The following PCDHA5 variants were observed in gnomAD, a reference collection of about 807,000 sequenced individuals.
PCDHA5 encodes protocadherin alpha-5.
Under a neutral mutation model 61.6 loss-of-function variants are expected in PCDHA5, and 43 were observed. That is an observed-to-expected ratio of 0.70 (90% CI 0.55 to 0.90). The LOEUF is 0.90. Ranked by LOEUF, PCDHA5 falls within the 40% of genes least tolerant of loss-of-function variation. PCDHA5 has a pLI of 0.00. For missense variants in PCDHA5, 1,298 were observed against 1,222.7 expected (o/e 1.06, Z -0.92); for synonymous variants, 627 against 543.9 (o/e 1.15, Z -2.13).
chr5:140,991,019 T>G (rs1333119856), intron 3 of PCDHA5, among the ~76,000 whole-genome samples: 1 of 152,178 alleles, frequency 6.6e-6, no homozygotes, highest in Non-Finnish European at 1.5e-5. Flanking sequence ...GATAAGCACT[T>G]TACATATGTT....
chr5:141,010,321 G>A lies in PCDHA5; in HGVS notation c.*384G>A. The A allele has an allele frequency of 1.3e-6, 2 of 1,541,244 alleles. No individual in the cohort carries two copies. Among genetic ancestry groups the A allele is most frequent in the South Asian group, 1.2e-5 (1 of 82,726 alleles). On this transcript the variant is annotated 3_prime_UTR_variant, in exon 4 of 4. Transcript: ENST00000529859. ...GGCTGAAAAGTTTTGAGATTGAGCA[G>A]CTTGGGAGTTTGTGGCCACTGGGTA...
chr5:140,937,130 C>T (rs899242411), intron 1 of PCDHA5, among the ~76,000 whole-genome samples: 12 of 151,674 alleles, frequency 7.9e-5, no homozygotes, highest in Non-Finnish European at 1.3e-4. Flanking sequence ...CTCCGCCTCC[C>T]GGGTTCATGC....
chr5:140,978,978 C>T lies in PCDHA5; in HGVS notation c.2382C>T (p.Tyr794=). Residue 794 remains tyrosine (Y), a synonymous_variant, in exon 2 of 4, where the codon TAC becomes TAT. Coordinates refer to ENST00000529859, the MANE Select transcript of PCDHA5 (RefSeq NM_018908.3). ...NPRQPNPDWR[Y]SASLRAGMHS... ...GACAGCCCAACCCTGACTGGCGTTA[C>T]TCTGCCTCCCTGAGAGCAGGCATGC... 1 of 1,614,204 alleles carries T rather than the reference C, an allele frequency of 6.2e-7. No homozygotes were observed. The highest frequency in any genetic ancestry group is 8.5e-7 in the Non-Finnish European group (1 of 1,180,030).
intron 1 of PCDHA5, among the ~76,000 whole-genome samples, chr5:140,969,910 A>G (rs1364534841): frequency 9.9e-5 from 15 of 152,216 alleles, no homozygotes; most frequent in African/African-American, 3.6e-4. Context: ...GTCACAAGTG[A>G]TAAAGCTGTA....
chr5:141,000,887 AAC>A (rs1554257872), intron 3 of PCDHA5, among the ~76,000 whole-genome samples: 4 of 152,188 alleles, frequency 2.6e-5, no homozygotes. Context: ...CAACCTGGGC[AAC>A]AGATATAGAC....
intron 3 of PCDHA5, among the ~76,000 whole-genome samples, chr5:141,002,433 A>G (rs2098079655): frequency 6.6e-6 from 1 of 152,258 alleles, no homozygotes; most frequent in East Asian, 1.9e-4. Context: ...ACAGGCAATA[A>G]CCATAATAAT....
At chr5:140,954,807 T>TGAAAATGCTTTAGGCACTTTTGTC (rs2095090008) in intron 1 of PCDHA5, among the ~76,000 whole-genome samples, 1 of 152,248 alleles carries the variant, frequency 6.6e-6, no homozygotes, top group Admixed American at 6.5e-5. Flanking sequence ...TTGCTTTTGT[T>TGAAAATGCTTTAGGCACTTTTGTC]GAAATTGCTT....
In PCDHA5 at chr5:140,884,801, A is replaced by AT. The variant is rs2060359948; in HGVS notation, c.2352+60674_2352+60675insT. 5 of 1,250,206 alleles carry AT rather than the reference A, an allele frequency of 4.0e-6. No individual in the cohort carries two copies. In the South Asian group the frequency reaches 8.8e-5, roughly 22 times the overall value. 77.4% of individuals were successfully genotyped at this position (1,250,206 alleles called of 1,614,324 possible). A position where few individuals can be genotyped will look rare whatever the true frequency, so the allele number is the denominator to read the frequency against. On this transcript the variant is annotated intron_variant, in intron 1 of 3. Coordinates refer to ENST00000529859, the MANE Select transcript of PCDHA5 (RefSeq NM_018908.3). ...TTTGCTAGTTGTTATCGAATTTAACAACTCTGCTGTGGACATTATGTGTTG... is the reference window on the plus strand; with the variant it reads ...TTTGCTAGTTGTTATCGAATTTAACATACTCTGCTGTGGACATTATGTGTTG...
chr5:140,886,689 G>C (rs1267444522), intron 1 of PCDHA5, among the ~76,000 whole-genome samples: 5 of 152,022 alleles, frequency 3.3e-5, no homozygotes, highest in African/African-American at 1.2e-4. Flanking sequence ...AGCGAGGCAT[G>C]GTGGCACGCG....
At position 140,993,185 on chromosome 5, in the gene PCDHA5, G is replaced by A. The variant is rs1393686590; in HGVS notation, c.2500+10622G>A. Among the ~76,000 whole-genome samples, 5 of 152,162 alleles carry A rather than the reference G, an allele frequency of 3.3e-5. No homozygotes were observed. The South Asian group carries it at 8.3e-4, about 25-fold the overall frequency. The stretch of plus-strand genomic sequence containing the variant: ...TTGCCTTTGGGAAATTTCTTTAGAG[G>A]GAAACTCACTAAAGCTAATTTTTTT... On this transcript the variant is annotated intron_variant, in intron 3 of 3. Transcript: ENST00000529859.
At chr5:140,901,643 G>A (rs1011127972) in intron 1 of PCDHA5, among the ~76,000 whole-genome samples, 7 of 151,908 alleles carry the variant, frequency 4.6e-5, no homozygotes, top group Non-Finnish European at 8.8e-5. Context: ...TGATTCTTCC[G>A]GTTTTGTTCT....
At chr5:140,971,782 A>G (rs1458049076) in intron 1 of PCDHA5, among the ~76,000 whole-genome samples, 1 of 152,166 alleles carries the variant, frequency 6.6e-6, no homozygotes, top group Non-Finnish European at 1.5e-5. Context: ...ATTCAAGATT[A>G]TTCAATATAT....
chr5:140,928,904 G>T, intron 1 of PCDHA5: 1 of 1,614,180 alleles, frequency 6.2e-7, no homozygotes, highest in Non-Finnish European at 8.5e-7. Flanking sequence ...GAAGATGTCT[G>T]GGAACCAGGA....
chr5:140,862,161 C>G (rs1463036699), intron 1 of PCDHA5: 1 of 163,458 alleles, frequency 6.1e-6, no homozygotes, highest in African/African-American at 2.4e-5. Context: ...ATGAAAGATT[C>G]AAATACAGGC....
intron 1 of PCDHA5, chr5:140,883,009 T>C (rs782092684): frequency 1.2e-6 from 2 of 1,614,126 alleles, no homozygotes; most frequent in South Asian, 2.2e-5. Flanking sequence ...AATCCGTTTA[T>C]AAAGTGACGG....
chr5:140,878,370 T>G (rs1049956194), intron 1 of PCDHA5, among the ~76,000 whole-genome samples: 1 of 152,272 alleles, frequency 6.6e-6, no homozygotes, highest in Non-Finnish European at 1.5e-5. Context: ...GTCTGACATA[T>G]GATGAATGAT....
chr5:140,868,877 C>T (rs1554162279), intron 1 of PCDHA5: 4 of 684,224 alleles, frequency 5.8e-6, no homozygotes, highest in South Asian at 2.2e-5. Flanking sequence ...GCACAGTACT[C>T]ACAGTTTTAG....
intron 1 of PCDHA5, among the ~76,000 whole-genome samples, chr5:140,964,252 T>C (rs569615423): frequency 4.6e-5 from 7 of 152,332 alleles, no homozygotes; most frequent in African/African-American, 1.7e-4. Context: ...GGCTTTATAT[T>C]TGACTCCTTA....
chr5:140,903,524 A>T (rs2070355065), intron 1 of PCDHA5, among the ~76,000 whole-genome samples: 1 of 152,156 alleles, frequency 6.6e-6, no homozygotes, highest in Non-Finnish European at 1.5e-5. Flanking sequence ...TGTGTTGTTC[A>T]CTTTAAACTA....
Sources: allele counts gnomAD v4.1 joint callset (sites outside exome capture counted in the v4.1 genomes callset), GRCh38; gene constraint gnomAD v4.1.1; transcripts MANE v1.5; gene names NCBI Gene and HGNC (gene_info 2026-07-23, HGNC 2026-07-21).